The following MPST variants were observed in gnomAD, a reference collection of about 807,000 sequenced individuals.
MPST encodes mercaptopyruvate sulfurtransferase.
A neutral mutation model predicts 28.5 loss-of-function variants in MPST; 27 were observed. The observed-to-expected ratio is 0.95, with a 90% CI of 0.70 to 1.31. The LOEUF (loss-of-function observed/expected upper bound fraction) is 1.31, where lower values mean the gene tolerates loss of function less well. Among genes scored for constraint, MPST ranks in the 50% most tolerant of loss-of-function variants. The probability of loss-of-function intolerance (pLI) is 0.00; values close to 1 mark genes in which losing one functional copy is unlikely to be tolerated. For missense variants in MPST, 492 were observed against 471.1 expected, an observed-to-expected ratio of 1.04 and a Z score of -0.41; for synonymous variants, 204 against 209.3, an observed-to-expected ratio of 0.97 and a Z score of 0.22.
In MPST at chr22:37,024,473, A is replaced by G. The variant is rs746577998; in HGVS notation, c.318A>G (p.Ala106=). The change falls in exon 2 of 3, where the codon GCA becomes GCG. Residue 106 remains alanine (A), a synonymous_variant. Coordinates refer to ENST00000429360, the MANE Select transcript of MPST (RefSeq NM_021126.8). ...GGGCCGAGCATTTCGCGGAGTACGC[A>G]GGCCGCCTGGGCGTGGGCGCGGCCA... The part of the protein sequence containing the change: ...LPGAEHFAEY[A]GRLGVGAATH... The G allele has an allele frequency of 5.1e-6, 8 of 1,557,754 alleles. No individual in the cohort carries two copies. In the African/African-American group the frequency reaches 9.5e-5, roughly 19 times the overall value.
chr22:37,021,103 G>T (rs915562068), intron 1 of MPST, among the ~76,000 whole-genome samples: 2 of 152,186 alleles, frequency 1.3e-5, no homozygotes, highest in African/African-American at 4.8e-5. Context: ...TGCTCCTCAA[G>T]GGGTACCCTG....
chr22:37,029,155 T>C (rs1436332468), intron 2 of MPST, 61 bp from the exon 3 acceptor site: 5 of 1,491,680 alleles, frequency 3.4e-6, no homozygotes, highest in Non-Finnish European at 4.6e-6. Context: ...GCACCACAAA[T>C]ACGAGGTACC....
rs997147993 is a variant in MPST, at chr22:37,024,287, C to G, written c.132C>G (p.Arg44=). The G allele has an allele frequency of 1.6e-5, 24 of 1,514,458 alleles. No homozygotes were observed. The African/African-American group carries it at 2.8e-4, about 18-fold the overall frequency. The allele number at this position is 1,514,458 out of a possible 1,614,324, so 93.8% of individuals were successfully genotyped here. Residue 44 remains arginine (R), a synonymous_variant, in exon 2 of 3, where the codon CGC becomes CGG. Transcript: ENST00000429360. ...QWVAEALRAP[R]AGQPLQLLDA... is the part of the protein sequence containing the mutation. ...TGGCGGAGGCGCTGCGGGCCCCGCGCGCTGGGCAGCCTCTGCAGCTGCTGG... is the reference window on the plus strand; with the variant it reads ...TGGCGGAGGCGCTGCGGGCCCCGCGGGCTGGGCAGCCTCTGCAGCTGCTGG...
At chr22:37,022,240 C>A (rs1445443473) in intron 1 of MPST, among the ~76,000 whole-genome samples, 2 of 152,122 alleles carry the variant, frequency 1.3e-5, no homozygotes, top group Non-Finnish European at 2.9e-5. Context: ...TTCCTGGGCC[C>A]CTGGAAAAGT....
intron 2 of MPST, chr22:37,025,405 G>A: frequency 3.9e-6 from 1 of 258,066 alleles, no homozygotes; most frequent in Non-Finnish European, 7.7e-6. Flanking sequence ...GCAGAGTCGG[G>A]GGCTGCATAA....
chr22:37,020,072 G>T (rs1027756864), intron 1 of MPST, 200 bp downstream of exon 1: 5 of 389,940 alleles, frequency 1.3e-5, no homozygotes, highest in African/African-American at 1.0e-4. Context: ...CGAGTGGCGG[G>T]TGGGGAGCCT....
intron 1 of MPST, chr22:37,023,909 T>C (rs572290056): frequency 1.3e-5 from 19 of 1,511,958 alleles, no homozygotes; most frequent in Middle Eastern, 3.5e-4. Context: ...CCACCCACCC[T>C]CCTGCCCAGC....
chr22:37,028,522 C>T (rs1474543408), intron 2 of MPST: 1 of 150,310 alleles, frequency 6.7e-6, no homozygotes, highest in Non-Finnish European at 1.5e-5. Context: ...AAGAGCAAAA[C>T]TCCATCTCAA....
chr22:37,024,699 TTCA>T lies in MPST; in HGVS notation c.548_550del (p.Ile183del), dbSNP rs1413835966. The T allele has an allele frequency of 6.3e-7, 1 of 1,599,730 alleles. No individual in the cohort carries two copies. The highest frequency in any genetic ancestry group is 1.3e-5 in the African/African-American group (1 of 74,896). ...GTTCCGCGCTCAGCTCGACCCCGCC[TTCA>T]TCAAGACCTACGAGGACATCAAGGA... is the stretch of plus-strand genomic sequence containing the variant. On this transcript the variant is annotated inframe_deletion, in exon 2 of 3. Coordinates refer to ENST00000429360, the MANE Select transcript of MPST (RefSeq NM_021126.8).
intron 2 of MPST, chr22:37,026,224 G>A (rs1923514640): frequency 6.6e-6 from 1 of 152,152 alleles, no homozygotes; most frequent in Non-Finnish European, 1.5e-5. Flanking sequence ...ATTTACATGG[G>A]CTTTGTGACA....
chr22:37,027,579 CA>C (rs1923618348), intron 2 of MPST: 1 of 152,182 alleles, frequency 6.6e-6, no homozygotes, highest in African/African-American at 2.4e-5. Context: ...TTAAAAGTAA[CA>C]GTAAAAAAGT....
chr22:37,024,648 G>T lies in MPST; in HGVS notation c.493G>T (p.Gly165Cys). 6.3e-7 allele frequency: 1 copy of T among 1,593,344 alleles called. No individual in the cohort carries two copies. The highest frequency in any genetic ancestry group is 8.5e-7 in the Non-Finnish European group (1 of 1,174,616). Residue 165 changes from glycine to cysteine, a missense_variant, in exon 2 of 3, where the codon GGC becomes TGC. By Grantham distance (159) the Gly-to-Cys change is radical. Transcript: ENST00000429360. ...GCGCCAGAACCTCCCGCTCAGCTCC[G>T]GCAAGAGCCAACCTGCTCCCGCCGA... ...WLRQNLPLSS[G>C]KSQPAPAEFR...
chr22:37,021,535 C>T (rs892232662), intron 1 of MPST, among the ~76,000 whole-genome samples: 9 of 152,126 alleles, frequency 5.9e-5, no homozygotes, highest in African/African-American at 1.2e-4. Flanking sequence ...TGCAGTGGCG[C>T]GATCTCGGCT....
In MPST at chr22:37,024,242, G is replaced by GC; in HGVS notation, c.88dup (p.Leu30ProfsTer120). On this transcript the variant is annotated frameshift_variant, in exon 2 of 3. Coordinates refer to ENST00000429360, the MANE Select transcript of MPST (RefSeq NM_021126.8). LOFTEE classifies it high-confidence loss of function. ...TGGCTTCGCCGCAGCTCTGCCGCGCGCTGGTGTCGGCGCAATGGGTGGCGG... is the reference window on the plus strand; with the variant it reads ...TGGCTTCGCCGCAGCTCTGCCGCGCGCCTGGTGTCGGCGCAATGGGTGGCGG... 1 of 1,420,900 alleles carries GC rather than the reference G, an allele frequency of 7.0e-7. No individual in the cohort carries two copies. The highest frequency in any genetic ancestry group is 1.5e-5 in the African/African-American group (1 of 66,104). 88.0% of individuals were successfully genotyped at this position (1,420,900 alleles called of 1,614,324 possible).
rs749175969 is a variant in MPST at position 37,024,347 on chromosome 22, C to T, written c.192C>T (p.Asp64=). The change falls in exon 2 of 3, where the codon GAC becomes GAT. Residue 64 remains aspartate, a synonymous_variant. Transcript: ENST00000429360. ...ASWYLPKLGR[D]ARREFEERHI... is the part of the protein sequence containing the mutation. ...GGTACCTGCCGAAGCTGGGGCGCGA[C>T]GCGCGACGCGAGTTCGAGGAGCGCC... The T allele has an allele frequency of 6.6e-5, 101 of 1,540,864 alleles. No homozygotes were observed. Among genetic ancestry groups the T allele is most frequent in the Admixed American group, 4.1e-4 (21 of 50,886 alleles).
Position 37,029,508 on chromosome 22 carries a change from C to G in MPST, c.948C>G (p.Thr316=), listed in dbSNP as rs765016227. 8.1e-6 allele frequency: 13 copies of G among 1,601,662 alleles called. No individual in the cohort carries two copies. Among genetic ancestry groups the G allele is most frequent in the Non-Finnish European group, 1.0e-5 (12 of 1,172,786 alleles). ...EDVISEGRGK[T]H ...TCATCTCAGAGGGCCGGGGGAAGAC[C>G]CACTGAAGCTGGGCAGGACACAGGC... is the stretch of plus-strand genomic sequence containing the variant. The change falls in exon 3 of 3, where the codon ACC becomes ACG. Residue 316 remains threonine, a synonymous_variant. Coordinates refer to ENST00000429360, the MANE Select transcript of MPST (RefSeq NM_021126.8).
At position 37,029,246 on chromosome 22, in the gene MPST, T is replaced by C; in HGVS notation, c.686T>C (p.Val229Ala). The part of the protein sequence containing the change: ...GIEPGHIPGT[V>A]NIPFTDFLSQ... ...GAACCTGGCCACATCCCAGGTACCG[T>C]GAACATCCCCTTCACAGACTTCCTG... Residue 229 changes from valine to alanine, a missense_variant, in exon 3 of 3, where the codon GTG (valine) becomes GCG (alanine). Coordinates refer to ENST00000429360, the MANE Select transcript of MPST (RefSeq NM_021126.8). The C allele has an allele frequency of 1.2e-6, 2 of 1,614,114 alleles. No homozygotes were observed. The highest frequency in any genetic ancestry group is 1.7e-6 in the Non-Finnish European group (2 of 1,180,010).
chr22:37,023,718 G>T, intron 1 of MPST: 1 of 1,093,354 alleles, frequency 9.1e-7, no homozygotes, highest in South Asian at 1.9e-5. Context: ...TACCCAGCAA[G>T]GACTCAGTAA....
At chr22:37,022,548 T>C (rs1159986775) in intron 1 of MPST, among the ~76,000 whole-genome samples, 2 of 152,176 alleles carry the variant, frequency 1.3e-5, no homozygotes, top group African/African-American at 4.8e-5. Context: ...CTGGTCATCA[T>C]GGCACCTGGG....
Sources: allele counts gnomAD v4.1 joint callset (sites outside exome capture counted in the v4.1 genomes callset), GRCh38; gene constraint gnomAD v4.1.1; transcripts MANE v1.5; gene names NCBI Gene and HGNC (gene_info 2026-07-23, HGNC 2026-07-21).